Variants in FNDC3B observed in about 807,000 individuals in gnomAD.
The protein encoded by FNDC3B is fibronectin type III domain-containing protein 3B.
FNDC3B carries 12 observed loss-of-function variants against 151.5 expected under a neutral mutation model. The ratio of observed to expected loss-of-function variants is 0.08; its 90% CI spans 0.05 to 0.13. FNDC3B has a LOEUF of 0.13. Among genes scored for constraint, FNDC3B ranks in the 10% least tolerant of loss-of-function variants. The probability of loss-of-function intolerance (pLI) is 1.00; values close to 1 mark genes in which losing one functional copy is unlikely to be tolerated. For missense variants in FNDC3B, 1,214 were observed against 1,505.3 expected (o/e 0.81, Z 3.20); for synonymous variants, 528 against 549.0 (o/e 0.96, Z 0.54).
At chr3:172,103,979 T>C (rs1379446307) in intron 1 of FNDC3B, among the ~76,000 whole-genome samples, 1 of 152,218 alleles carries the variant, frequency 6.6e-6, no homozygotes, top group East Asian at 1.9e-4. Context: ...GGCAAGAGTC[T>C]TTCTTGCACA....
At chr3:172,200,002 T>TATTCATTCATTC (rs1238059887) in intron 3 of FNDC3B, among the ~76,000 whole-genome samples, 13,811 of 150,798 alleles carry the variant, frequency 0.092, 678 homozygotes, top group African/African-American at 0.11. Flanking sequence ...CAATACTTTG[T>TATTCATTCATTC]ATTCATTCAT....
In FNDC3B at chr3:172,180,391, CCT is replaced by C. The variant is rs1169685428; in HGVS notation, c.188-46477_188-46476del. On this transcript the variant is annotated intron_variant, in intron 3 of 25. Transcript: ENST00000415807. ...ACTGTTTGAGAACATGAATGATTCTCCTCTAAGTATGCACTGTGGTCTTTAGA... is the reference window on the plus strand; with the variant it reads ...ACTGTTTGAGAACATGAATGATTCTCCTAAGTATGCACTGTGGTCTTTAGA... Among the ~76,000 whole-genome samples the C allele has an allele frequency of 2.0e-5, 3 of 152,302 alleles. No individual in the cohort carries two copies. In the East Asian group the frequency reaches 5.8e-4, roughly 29 times the overall value.
chr3:172,291,675 C>A (rs1325901240), intron 7 of FNDC3B, among the ~76,000 whole-genome samples: 1 of 152,154 alleles, frequency 6.6e-6, no homozygotes, highest in Admixed American at 6.5e-5. Context: ...CCTTTTATCA[C>A]CATTACAAAG....
chr3:172,253,767 G>A (rs1288607040), intron 6 of FNDC3B, among the ~76,000 whole-genome samples: 6 of 151,980 alleles, frequency 3.9e-5, no homozygotes, highest in Admixed American at 3.9e-4. Context: ...CTCATGGCCA[G>A]AAGAGAGAAA....
At chr3:172,349,404 C>T (rs146063084) in intron 21 of FNDC3B, among the ~76,000 whole-genome samples, 80 of 152,246 alleles carry the variant, frequency 5.3e-4, no homozygotes, top group Non-Finnish European at 9.1e-4. Context: ...TAAGTACCAA[C>T]GTAATTCCAT....
At chr3:172,304,156 C>T (rs533078415) in intron 9 of FNDC3B, among the ~76,000 whole-genome samples, 2 of 152,108 alleles carry the variant, frequency 1.3e-5, no homozygotes, top group African/African-American at 4.8e-5. Flanking sequence ...TTACGACTCT[C>T]CAGCCTAGGA....
In FNDC3B at chr3:172,341,237, T is replaced by A; in HGVS notation, c.1971+6T>A. On this transcript the variant is annotated splice_donor_region_variant and intron_variant, in intron 17 of 25. Transcript: ENST00000415807. ...GTACCGGCGGACACAGCCAGGTTGG[T>A]TTTGTTTCCATATGAAAGTAAACCT... 2 of 1,604,370 alleles carry A rather than the reference T, an allele frequency of 1.2e-6. No homozygotes were observed. The highest frequency in any genetic ancestry group is 1.7e-6 in the Non-Finnish European group (2 of 1,171,068).
Position 172,352,918 on chromosome 3 carries a change from C to G in FNDC3B, c.2630C>G (p.Ala877Gly). The G allele has an allele frequency of 6.2e-7, 1 of 1,614,200 alleles. No individual in the cohort carries two copies. The highest frequency in any genetic ancestry group is 8.5e-7 in the Non-Finnish European group (1 of 1,180,028). ...GTCCTGGAGGAGGAGCCCCTTGATG[C>G]CTACCCTGATTCACCTTCTGCGTGC... ...LCVLEEEPLD[A>G]YPDSPSACLV... The change falls in exon 22 of 26, where the codon GCC becomes GGC. Residue 877 changes from alanine (A) to glycine (G), a missense_variant. Around this residue, in one of 7 missense-constraint regions of FNDC3B, gnomAD observed 380 missense variants for 420.9 expected, o/e 0.90. Coordinates refer to ENST00000415807, the MANE Select transcript of FNDC3B (RefSeq NM_022763.4). This position sits in a 1 kb window ranked among gnomAD's most constrained non-coding sequence, Gnocchi z 4.2.
intron 1 of FNDC3B, among the ~76,000 whole-genome samples, chr3:172,067,145 A>G (rs1717540319): frequency 6.6e-6 from 1 of 152,110 alleles, no homozygotes; most frequent in South Asian, 2.1e-4. Flanking sequence ...AGCTATCAAA[A>G]TCCTCCTCTA....
chr3:172,307,616 C>A, intron 10 of FNDC3B, 115 bp downstream of exon 10: 1 of 1,018,358 alleles, frequency 9.8e-7, no homozygotes, highest in Non-Finnish European at 1.5e-6. Context: ...TCACTTGAAC[C>A]CAGGAGTTTC....
At chr3:172,111,147 G>GA (rs1719944151) in intron 1 of FNDC3B, among the ~76,000 whole-genome samples, 1 of 144,540 alleles carries the variant, frequency 6.9e-6, no homozygotes, top group Admixed American at 6.9e-5. Flanking sequence ...ATCAATTTGA[G>GA]AAAATAGCCA....
At chr3:172,295,168 A>G (rs897712918) in intron 7 of FNDC3B, among the ~76,000 whole-genome samples, 195 bp from the exon 8 acceptor site, 1 of 152,248 alleles carries the variant, frequency 6.6e-6, no homozygotes, top group African/African-American at 2.4e-5. Context: ...GAAAGTTGGC[A>G]TTATAAGGAC....
intron 23 of FNDC3B, among the ~76,000 whole-genome samples, chr3:172,370,697 C>T (rs1476470952): frequency 6.6e-6 from 1 of 152,174 alleles, no homozygotes; most frequent in Non-Finnish European, 1.5e-5. Context: ...TGCTCTGTCC[C>T]GCCATGGAGT....
intron 1 of FNDC3B, among the ~76,000 whole-genome samples, chr3:172,054,139 C>T (rs1227963216): frequency 6.6e-6 from 1 of 152,174 alleles, no homozygotes; most frequent in Admixed American, 6.5e-5. Context: ...AAAGCAAATC[C>T]TCCTATTCCT....
intron 6 of FNDC3B, among the ~76,000 whole-genome samples, chr3:172,262,403 T>C (rs974484133): frequency 1.3e-5 from 2 of 152,204 alleles, no homozygotes; most frequent in African/African-American, 4.8e-5. Context: ...CTACCTCTTG[T>C]GCTGGATTAG....
At chr3:172,396,320 A>T (rs1216277893) in intron 25 of FNDC3B, among the ~76,000 whole-genome samples, 2 of 152,166 alleles carry the variant, frequency 1.3e-5, no homozygotes, top group Non-Finnish European at 2.9e-5. Flanking sequence ...AAGTCATTAT[A>T]GTGTCTACCT....
At chr3:172,365,652 A>G (rs1008878996) in intron 23 of FNDC3B, among the ~76,000 whole-genome samples, 2 of 152,190 alleles carry the variant, frequency 1.3e-5, no homozygotes, top group Non-Finnish European at 2.9e-5. Flanking sequence ...TACAATACTG[A>G]AGAGTCCCAG....
chr3:172,250,141 A>G (rs1223284585), intron 5 of FNDC3B, among the ~76,000 whole-genome samples: 1 of 152,228 alleles, frequency 6.6e-6, no homozygotes, highest in African/African-American at 2.4e-5. Context: ...TGATTTAAAA[A>G]TTTAAATTTA....
In FNDC3B at chr3:172,397,268, G is replaced by C. The variant is rs746928921; in HGVS notation, c.3408G>C (p.Gln1136His). The change falls in exon 26 of 26, where the codon CAG becomes CAC. Residue 1136 changes from glutamine to histidine, a missense_variant. This residue lies in a region of FNDC3B where 284 missense variants were observed against 392.4 expected (regional missense o/e 0.72). Transcript: ENST00000415807. ...GTCGTCGCTGTTTAGACACCTCTCAGGAGCTAAGCGGAGCCTTCAGCCCCT... is the reference window on the plus strand; with the variant it reads ...GTCGTCGCTGTTTAGACACCTCTCACGAGCTAAGCGGAGCCTTCAGCCCCT... ...CACRRCLDTSQELSGAFSPSA... is the reference protein window; with the variant it reads ...CACRRCLDTSHELSGAFSPSA... 6.2e-7 allele frequency: 1 copy of C among 1,614,072 alleles called. No homozygotes were observed. The highest frequency in any genetic ancestry group is 1.3e-5 in the African/African-American group (1 of 74,918).
Sources: gnomAD v4.1 joint callset for allele counts (sites outside exome capture counted in the v4.1 genomes callset) on GRCh38, gnomAD v4.1.1 for gene constraint, gnomAD v4.1.1 regional missense constraint, Gnocchi (gnomAD v3.1) non-coding constraint, MANE v1.5 for transcripts, NCBI Gene and HGNC (gene_info 2026-07-23, HGNC 2026-07-21) for gene names.